The following ZFHX3 variants were observed in gnomAD, a reference collection of about 807,000 sequenced individuals.
The protein encoded by ZFHX3 is zinc finger homeobox 3, also known as zinc finger homeobox protein 3.
A neutral mutation model predicts 279.1 loss-of-function variants in ZFHX3; 42 were observed. That is an observed-to-expected ratio of 0.15 (90% CI 0.12 to 0.19). ZFHX3 has a LOEUF of 0.19. Among genes scored for constraint, ZFHX3 ranks in the 10% least tolerant of loss-of-function variants. The probability of loss-of-function intolerance (pLI) is 1.00; values close to 1 mark genes in which losing one functional copy is unlikely to be tolerated. For missense variants in ZFHX3, 4,981 were observed against 4,754.0 expected, an observed-to-expected ratio of 1.05 and a Z score of -1.40; for synonymous variants, 2,293 against 1,957.8, an observed-to-expected ratio of 1.17 and a Z score of -4.52.
intron 1 of ZFHX3, among the ~76,000 whole-genome samples, chr16:73,727,699 C>A (rs1261260436): frequency 6.6e-6 from 1 of 152,114 alleles, no homozygotes; most frequent in African/African-American, 2.4e-5. Context: ...TACCCTTTAC[C>A]TTCAACCTCA....
intron 1 of ZFHX3, among the ~76,000 whole-genome samples, chr16:73,761,688 CA>C (rs1484744035): frequency 2.0e-5 from 3 of 152,144 alleles, no homozygotes; most frequent in Non-Finnish European, 2.9e-5. Flanking sequence ...TGCACATCTG[CA>C]ACCATCTGAT....
At chr16:73,786,778 A>G (rs1442879590) in intron 1 of ZFHX3, among the ~76,000 whole-genome samples, 1 of 152,206 alleles carries the variant, frequency 6.6e-6, no homozygotes, top group East Asian at 1.9e-4. Context: ...TGCTTAGAAG[A>G]ACAGGGTGAG....
chr16:73,840,603 C>CT (rs1961277903), intron 1 of ZFHX3, among the ~76,000 whole-genome samples: 1 of 152,188 alleles, frequency 6.6e-6, no homozygotes, highest in African/African-American at 2.4e-5. Context: ...GTGTCGGGCT[C>CT]TATTGCACAT....
intron 8 of ZFHX3, 75 bp downstream of exon 8, chr16:72,799,952 G>T: frequency 1.4e-6 from 2 of 1,386,068 alleles, no homozygotes; most frequent in Non-Finnish European, 2.1e-6. Context: ...AAGAATTCCT[G>T]AAAACCTTTC....
intron 2 of ZFHX3, among the ~76,000 whole-genome samples, chr16:73,489,721 G>GA (rs1221184558): frequency 1.4e-4 from 21 of 151,750 alleles, no homozygotes; most frequent in Non-Finnish European, 5.9e-5. Context: ...GAATTATGTA[G>GA]AAAAAAATCA....
At chr16:73,677,522 T>C (rs368522913) in intron 2 of ZFHX3, among the ~76,000 whole-genome samples, 79 of 152,048 alleles carry the variant, frequency 5.2e-4, no homozygotes, top group South Asian at 1.2e-3. Context: ...ACTTTAGACC[T>C]GGCTCTTCCA....
intron 1 of ZFHX3, among the ~76,000 whole-genome samples, chr16:73,027,637 A>G (rs1348399752): frequency 6.6e-6 from 1 of 152,168 alleles, no homozygotes; most frequent in African/African-American, 2.4e-5. Flanking sequence ...AGCGTTAGGG[A>G]AAATGACACC....
At chr16:73,863,293 A>G (rs1961930043) in intron 1 of ZFHX3, among the ~76,000 whole-genome samples, 1 of 152,200 alleles carries the variant, frequency 6.6e-6, no homozygotes, top group South Asian at 2.1e-4. Flanking sequence ...TTTAATAGGT[A>G]GGCAATGGGC....
chr16:72,796,334 C>T lies in ZFHX3; in HGVS notation c.6348G>A (p.Pro2116=), dbSNP rs549639209. 45 of 1,613,928 alleles carry T rather than the reference C, an allele frequency of 2.8e-5. No individual in the cohort carries two copies. The highest frequency in any genetic ancestry group is 1.6e-4 in the Middle Eastern group (1 of 6,062). The part of the protein sequence containing the change: ...PLQTLPAQLP[P]QLGPVEPLPA... ...GCAGAGGCTCCACAGGTCCCAGCTG[C>T]GGGGGTAGCTGAGCCGGCAAGGTCT... Residue 2116 remains proline (P), a synonymous_variant, in exon 9 of 10, where the codon CCG becomes CCA. Coordinates refer to ENST00000268489, the MANE Select transcript of ZFHX3 (RefSeq NM_006885.4).
intron 3 of ZFHX3, among the ~76,000 whole-genome samples, chr16:73,351,545 C>G (rs2016242029): frequency 6.6e-6 from 1 of 152,176 alleles, no homozygotes; most frequent in Admixed American, 6.5e-5. Flanking sequence ...TCCCAGCTTC[C>G]TAAATAATTT....
chr16:72,985,112 C>T (rs1328668677), intron 1 of ZFHX3, among the ~76,000 whole-genome samples: 4 of 152,152 alleles, frequency 2.6e-5, no homozygotes, highest in African/African-American at 4.8e-5. Context: ...TACGTAATCT[C>T]GAAATGATGG....
At chr16:73,534,744 T>A (rs2019864365) in intron 2 of ZFHX3, among the ~76,000 whole-genome samples, 1 of 152,226 alleles carries the variant, frequency 6.6e-6, no homozygotes, top group Admixed American at 6.5e-5. Context: ...ATCGTAATCG[T>A]CACAGTTGCC....
intron 2 of ZFHX3, among the ~76,000 whole-genome samples, chr16:73,513,174 C>T (rs941336290): frequency 9.9e-5 from 15 of 152,272 alleles, no homozygotes; most frequent in African/African-American, 3.6e-4. Context: ...GACAGATGGA[C>T]AGCTCTTTGA....
intron 4 of ZFHX3, among the ~76,000 whole-genome samples, chr16:73,276,744 G>T (rs1268228180): frequency 5.3e-5 from 8 of 152,124 alleles, no homozygotes; most frequent in Non-Finnish European, 2.9e-5. Context: ...AAGTAGAAAT[G>T]CTTTCATATT....
chr16:72,970,418 G>A (rs1453684360), intron 1 of ZFHX3, among the ~76,000 whole-genome samples: 1 of 152,138 alleles, frequency 6.6e-6, no homozygotes, highest in Non-Finnish European at 1.5e-5. Flanking sequence ...CCTGAGTCAC[G>A]TGGAGGCCTT....
chr16:73,129,275 C>G (rs1277021611), intron 7 of ZFHX3, among the ~76,000 whole-genome samples: 2 of 151,884 alleles, frequency 1.3e-5, no homozygotes, highest in East Asian at 1.9e-4. Flanking sequence ...GTAATCCCAG[C>G]TACTCAGGAG....
In ZFHX3 at chr16:73,105,418, C is replaced by T. The variant is rs75184185; in HGVS notation, c.-896-11820G>A. 5.6e-3 allele frequency among the ~76,000 whole-genome samples: 512 copies of T among 90,806 alleles called. 8 individuals are homozygous for T. The highest frequency in any genetic ancestry group is 0.016 in the African/African-American group (397 of 25,372). The allele number at this position is 90,806 out of a possible 152,430, so 59.6% of individuals were successfully genotyped here. On this transcript the variant is annotated intron_variant, in intron 7 of 17. Transcript: ENST00000641206. The stretch of plus-strand genomic sequence containing the variant: ...ACATATATATATATATACACACACA[C>T]ATATATATATATATACACACACACA...
At chr16:73,303,014 C>T (rs915037631) in intron 4 of ZFHX3, among the ~76,000 whole-genome samples, 1 of 149,908 alleles carries the variant, frequency 6.7e-6, no homozygotes, top group Non-Finnish European at 1.5e-5. Context: ...GATTCTGAAA[C>T]AGCAAAGAGC....
At chr16:73,768,106 C>G (rs890822905) in intron 1 of ZFHX3, among the ~76,000 whole-genome samples, 5 of 152,188 alleles carry the variant, frequency 3.3e-5, no homozygotes, top group Non-Finnish European at 7.3e-5. Flanking sequence ...CCCTTGGCCA[C>G]TTACTGTGGA....
Sources: gnomAD v4.1 joint callset for allele counts (sites outside exome capture counted in the v4.1 genomes callset) on GRCh38, gnomAD v4.1.1 for gene constraint, MANE v1.5 for transcripts, NCBI Gene and HGNC (gene_info 2026-07-23, HGNC 2026-07-21) for gene names.